The following ELL variants were observed in gnomAD, a reference collection of about 807,000 sequenced individuals.
ELL encodes the protein RNA polymerase II elongation factor ELL.
Under a neutral mutation model 64.0 loss-of-function variants are expected in ELL, and 18 were observed. The ratio of observed to expected loss-of-function variants is 0.28; its 90% CI spans 0.19 to 0.42. ELL has a LOEUF of 0.42. ELL is among the 10% of genes least tolerant of loss of function. ELL has a pLI of 1.00. For synonymous variants in ELL, 399 were observed against 376.2 expected, an observed-to-expected ratio of 1.06 and a Z score of -0.70; for missense variants, 797 against 870.4, an observed-to-expected ratio of 0.92 and a Z score of 1.06.
In ELL at chr19:18,444,809, G is replaced by A. The variant is rs745455544; in HGVS notation, c.1809C>T (p.Ala603=). The A allele has an allele frequency of 5.7e-5, 92 of 1,611,422 alleles. 2 individuals carry two copies. The South Asian group carries it at 1.0e-3, about 18-fold the overall frequency. The change falls in exon 12 of 12, where the codon GCC becomes GCT. Residue 603 remains alanine, a synonymous_variant. Coordinates refer to ENST00000262809, the MANE Select transcript of ELL (RefSeq NM_006532.4). ...ACTCGGCGATGAGCCTCTTGATGTG[G>A]GCCAGCTTGCTGTGCAGGTACTCGC... ...HRCEYLHSKL[A]HIKRLIAEYD... is the part of the protein sequence containing the mutation.
At chr19:18,488,641 G>A (rs370602424) in intron 1 of ELL, among the ~76,000 whole-genome samples, 183 of 152,282 alleles carry the variant, frequency 1.2e-3, no homozygotes, top group Middle Eastern at 6.8e-3. Context: ...TCTATGGACC[G>A]GGCTGTGCAT....
At chr19:18,462,013 G>A (rs573207005) in intron 4 of ELL, among the ~76,000 whole-genome samples, 161 bp from the exon 5 acceptor site, 1 of 152,330 alleles carries the variant, frequency 6.6e-6, no homozygotes, top group East Asian at 1.9e-4. Flanking sequence ...GGGACCCTGG[G>A]CGACCAAGAG....
intron 1 of ELL, among the ~76,000 whole-genome samples, chr19:18,493,573 C>T (rs948037129): frequency 1.3e-5 from 2 of 152,204 alleles, no homozygotes; most frequent in Non-Finnish European, 2.9e-5. Flanking sequence ...TGACCCATAC[C>T]GGCAACCCGA....
At chr19:18,468,787 G>C (rs575967707) in intron 2 of ELL, among the ~76,000 whole-genome samples, 3 of 152,340 alleles carry the variant, frequency 2.0e-5, no homozygotes, top group African/African-American at 7.2e-5. Context: ...GCTCCACCCA[G>C]GTTGGCAGGA....
chr19:18,520,237 G>A (rs1052552456), intron 1 of ELL, among the ~76,000 whole-genome samples: 1 of 152,200 alleles, frequency 6.6e-6, no homozygotes, highest in Non-Finnish European at 1.5e-5. Flanking sequence ...CAGGTACCAA[G>A]TCCATCGTAG....
chr19:18,460,358 T>A (rs187459736), intron 5 of ELL, among the ~76,000 whole-genome samples: 3 of 152,294 alleles, frequency 2.0e-5, no homozygotes, highest in East Asian at 1.9e-4. Flanking sequence ...GAAGTCACAG[T>A]GGCACAGGAA....
At chr19:18,490,929 G>A (rs565959654) in intron 1 of ELL, among the ~76,000 whole-genome samples, 1 of 152,248 alleles carries the variant, frequency 6.6e-6, no homozygotes, top group South Asian at 2.1e-4. Flanking sequence ...GGCAGCAGGT[G>A]ACATTCTCAC....
At chr19:18,481,431 C>G (rs1975298168) in intron 1 of ELL, among the ~76,000 whole-genome samples, 1 of 152,146 alleles carries the variant, frequency 6.6e-6, no homozygotes, top group South Asian at 2.1e-4. Flanking sequence ...TGGCTTGTGG[C>G]TGCATCACCC....
At chr19:18,447,767 A>C (rs1348051535) in intron 8 of ELL, among the ~76,000 whole-genome samples, 4 of 151,746 alleles carry the variant, frequency 2.6e-5, no homozygotes, top group Non-Finnish European at 2.9e-5. Context: ...TATCAATTTC[A>C]GATGTATCCT....
chr19:18,464,339 C>A (rs1974892994), intron 4 of ELL, among the ~76,000 whole-genome samples: 1 of 152,220 alleles, frequency 6.6e-6, no homozygotes, highest in Non-Finnish European at 1.5e-5. Flanking sequence ...GCACTCCAGC[C>A]TGAGTGACAG....
Position 18,466,091 on chromosome 19 carries a change from T to G in ELL, c.184-173A>C, listed in dbSNP as rs1420808210. On this transcript the variant is annotated intron_variant, in intron 2 of 11. Transcript: ENST00000262809. ...CAGTGACGGGACAGGCAGCCCATCC[T>G]CAGCAACACACACTGCGTAGAGAGG... Among the ~76,000 whole-genome samples the G allele has an allele frequency of 1.3e-4, 20 of 152,146 alleles. 1 individual carries two copies. The highest frequency in any genetic ancestry group is 1.2e-4 in the Non-Finnish European group (8 of 68,010).
At chr19:18,517,741 G>A (rs2144983607) in intron 1 of ELL, among the ~76,000 whole-genome samples, 1 of 151,758 alleles carries the variant, frequency 6.6e-6, no homozygotes, top group Admixed American at 6.6e-5. Flanking sequence ...AAAAAACTGG[G>A]CCAGGCACAA....
chr19:18,455,234 T>C (rs573049817), intron 6 of ELL, among the ~76,000 whole-genome samples: 1 of 151,778 alleles, frequency 6.6e-6, no homozygotes, highest in South Asian at 2.1e-4. Flanking sequence ...GGATCACGCC[T>C]GTAATCCCAG....
Position 18,449,045 on chromosome 19 carries a change from T to C in ELL, c.1465+1432A>G, listed in dbSNP as rs1974471861. On this transcript the variant is annotated intron_variant, in intron 8 of 11. Transcript: ENST00000262809. The surrounding 1 kb of genome is among the most constrained non-coding windows in gnomAD (Gnocchi z 4.4). ...GGTGCCTCCACTGTCCTTTTCTTGG[T>C]GCTTGGGACATCTACCCCTGCTTTG... 6.6e-6 allele frequency among the ~76,000 whole-genome samples: 1 copy of C among 152,156 alleles called. No individual in the cohort carries two copies. The highest frequency in any genetic ancestry group is 1.5e-5 in the Non-Finnish European group (1 of 68,022).
At chr19:18,467,120 C>T (rs570423047) in intron 2 of ELL, among the ~76,000 whole-genome samples, 1 of 152,280 alleles carries the variant, frequency 6.6e-6, no homozygotes, top group East Asian at 1.9e-4. Context: ...CATGGCTGCA[C>T]CCAGCCCAGT....
At position 18,455,802 on chromosome 19, in the gene ELL, CAA is replaced by C. The variant is rs1300022683; in HGVS notation, c.869+2401_869+2402del. Reference sequence around the variant, plus strand: ...CTCCTAAAAGGAGAATAAAAAAGAGCAAGAGATGAAAACCAGCTGGGCGCGGT... The same window carrying C: ...CTCCTAAAAGGAGAATAAAAAAGAGCGAGATGAAAACCAGCTGGGCGCGGT... On this transcript the variant is annotated intron_variant, in intron 6 of 11. Transcript: ENST00000262809. 1.5e-4 allele frequency among the ~76,000 whole-genome samples: 22 copies of C among 150,906 alleles called. 1 individual carries two copies. The highest frequency in any genetic ancestry group is 2.7e-4 in the Non-Finnish European group (18 of 67,474).
chr19:18,451,082 G>GCTGGC (rs1472424554), intron 7 of ELL, 107 bp from the exon 8 acceptor site: 3 of 1,388,646 alleles, frequency 2.2e-6, no homozygotes, highest in Non-Finnish European at 1.9e-6. Flanking sequence ...CAAGGCCCAC[G>GCTGGC]CTGGCCACAT....
At chr19:18,447,568 C>CAGCT (rs1196684874) in intron 8 of ELL, among the ~76,000 whole-genome samples, 1 of 152,252 alleles carries the variant, frequency 6.6e-6, no homozygotes, top group Non-Finnish European at 1.5e-5. Flanking sequence ...GCACCCCAGG[C>CAGCT]AGCTGTCCTG....
chr19:18,503,454 C>G (rs996748984), intron 1 of ELL, among the ~76,000 whole-genome samples: 5 of 152,190 alleles, frequency 3.3e-5, no homozygotes, highest in African/African-American at 1.2e-4. Context: ...TACTGGGAAT[C>G]CCAGGCAGGA....
Sources: gnomAD v4.1 joint callset for allele counts (sites outside exome capture counted in the v4.1 genomes callset) on GRCh38, gnomAD v4.1.1 for gene constraint, Gnocchi (gnomAD v3.1) non-coding constraint, MANE v1.5 for transcripts, NCBI Gene and HGNC (gene_info 2026-07-23, HGNC 2026-07-21) for gene names.